IQCM: variants seen among roughly 807,000 people sequenced by gnomAD.
IQCM encodes IQ domain-containing protein M.
Under a neutral mutation model 57.6 loss-of-function variants are expected in IQCM, and 45 were observed. The observed-to-expected ratio is 0.78, with a 90% confidence interval of 0.62 to 1.00. The LOEUF (loss-of-function observed/expected upper bound fraction) is 1.00. Ranked by LOEUF, IQCM falls within the 50% of genes least tolerant of loss-of-function variation. The pLI is 0.00. For missense variants in IQCM, 468 were observed against 511.6 expected (o/e 0.91, Z 0.82); for synonymous variants, 148 against 158.9 (o/e 0.93, Z 0.51).
chr4:149,528,107 T>G (rs1228722708), intron 12 of IQCM, among the ~76,000 whole-genome samples: 2 of 151,880 alleles, frequency 1.3e-5, no homozygotes, highest in Non-Finnish European at 2.9e-5. Context: ...TGCCGCAGCC[T>G]CCTGAGTAGC....
rs369930759 is a variant in IQCM, at chr4:149,745,250, T to TAC, written c.-48-2513_-48-2512dup. On this transcript the variant is annotated intron_variant, in intron 2 of 13. Coordinates refer to ENST00000636793, the MANE Select transcript of IQCM (RefSeq NM_001363507.2). ...TGTCTGTTTGATTTTAGCAGAGGGCTACATTTTATGCTGCTGAAATGGTCA... is the reference window on the plus strand; with the variant it reads ...TGTCTGTTTGATTTTAGCAGAGGGCTACACATTTTATGCTGCTGAAATGGTCA... Among the ~76,000 whole-genome samples, 215 of 152,308 alleles carry TAC rather than the reference T, an allele frequency of 1.4e-3. 1 individual carries two copies. The highest frequency in any genetic ancestry group is 4.9e-3 in the African/African-American group (204 of 41,572).
chr4:149,398,213 C>T (rs146855655), intron 13 of IQCM, among the ~76,000 whole-genome samples: 1 of 151,988 alleles, frequency 6.6e-6, no homozygotes, highest in East Asian at 1.9e-4. Flanking sequence ...TACTTCTGGG[C>T]TCTCAGTTCT....
chr4:149,460,882 G>C (rs1369566160), intron 12 of IQCM, among the ~76,000 whole-genome samples: 2 of 152,000 alleles, frequency 1.3e-5, no homozygotes, highest in Non-Finnish European at 2.9e-5. Context: ...GATCCCATTG[G>C]TCCCCTTGGC....
chr4:149,489,909 A>G (rs914910715), intron 12 of IQCM, among the ~76,000 whole-genome samples: 4 of 151,968 alleles, frequency 2.6e-5, no homozygotes, highest in African/African-American at 9.7e-5. Context: ...TTTGAAATAC[A>G]AGCTATACAT....
intron 13 of IQCM, among the ~76,000 whole-genome samples, chr4:149,362,294 T>C (rs938268270): frequency 5.9e-5 from 9 of 152,106 alleles, no homozygotes; most frequent in African/African-American, 1.2e-4. Context: ...AGTTAAGACT[T>C]CAGAGGACTG....
chr4:149,691,529 T>C (rs1762936831), intron 5 of IQCM, among the ~76,000 whole-genome samples: 1 of 151,998 alleles, frequency 6.6e-6, no homozygotes, highest in African/African-American at 2.4e-5. Flanking sequence ...GCAAAGGTGA[T>C]GGGAGGGGCA....
intron 5 of IQCM, among the ~76,000 whole-genome samples, chr4:149,688,343 C>T (rs552670113): frequency 1.3e-5 from 2 of 152,066 alleles, no homozygotes; most frequent in East Asian, 3.9e-4. Context: ...AACTCAACCC[C>T]TTTTACAATA....
intron 12 of IQCM, among the ~76,000 whole-genome samples, chr4:149,526,842 T>C (rs1746210466): frequency 6.6e-6 from 1 of 152,194 alleles, no homozygotes; most frequent in Non-Finnish European, 1.5e-5. Flanking sequence ...TATTTTGTTG[T>C]TGTTTCCTAT....
At chr4:149,588,024 A>AT in intron 8 of IQCM, 27 bp from the exon 9 acceptor site, 2 of 1,068,018 alleles carry the variant, frequency 1.9e-6, no homozygotes, top group East Asian at 6.5e-5. Context: ...AAGAGTTGAC[A>AT]TAAGTAGAAA....
chr4:149,362,696 T>C (rs1439185250), intron 13 of IQCM, among the ~76,000 whole-genome samples: 1 of 152,184 alleles, frequency 6.6e-6, no homozygotes, highest in Non-Finnish European at 1.5e-5. Flanking sequence ...TATGTCTTTA[T>C]CAGCAGGCTA....
intron 12 of IQCM, among the ~76,000 whole-genome samples, chr4:149,478,330 G>A (rs1420069922): frequency 3.3e-5 from 5 of 152,116 alleles, no homozygotes; most frequent in Admixed American, 2.0e-4. Flanking sequence ...GCACACACTG[G>A]AGACTGTTGA....
intron 12 of IQCM, among the ~76,000 whole-genome samples, chr4:149,443,302 C>G (rs1435408181): frequency 2.6e-5 from 4 of 152,030 alleles, no homozygotes; most frequent in Non-Finnish European, 4.4e-5. Flanking sequence ...GATTGAATAA[C>G]TGGAAATCAT....
At chr4:149,743,786 A>G (rs1346547067) in intron 2 of IQCM, among the ~76,000 whole-genome samples, 26 of 152,214 alleles carry the variant, frequency 1.7e-4, no homozygotes, top group Admixed American at 1.6e-3. Flanking sequence ...ATTTGACATT[A>G]TCATTACTTC....
At chr4:149,592,370 TG>T (rs1223603771) in intron 8 of IQCM, among the ~76,000 whole-genome samples, 1 of 152,196 alleles carries the variant, frequency 6.6e-6, no homozygotes. Flanking sequence ...CTTTGTCAGA[TG>T]GGTAGATTGC....
intron 13 of IQCM, among the ~76,000 whole-genome samples, chr4:149,353,152 G>T (rs1578758176): frequency 6.6e-6 from 1 of 152,064 alleles, no homozygotes; most frequent in Admixed American, 6.6e-5. Context: ...TTCCAAAAAA[G>T]ATTTAAAAAT....
chr4:149,609,741 T>C (rs1483382845), intron 8 of IQCM, among the ~76,000 whole-genome samples: 2 of 151,756 alleles, frequency 1.3e-5, no homozygotes, highest in Non-Finnish European at 2.9e-5. Flanking sequence ...TACCTCAACA[T>C]AACAAAAGCC....
chr4:149,641,327 C>T (rs1758172303), intron 7 of IQCM, among the ~76,000 whole-genome samples: 2 of 152,250 alleles, frequency 1.3e-5, no homozygotes, highest in South Asian at 2.1e-4. Flanking sequence ...ATATTACAAT[C>T]ACCCACAAAA....
chr4:149,599,199 T>G (rs1025907310), intron 8 of IQCM, among the ~76,000 whole-genome samples: 1 of 152,096 alleles, frequency 6.6e-6, no homozygotes, highest in Non-Finnish European at 1.5e-5. Flanking sequence ...GATAAATAAA[T>G]TATAGTATAT....
intron 13 of IQCM, among the ~76,000 whole-genome samples, chr4:149,422,031 G>T (rs1349135672): frequency 1.3e-5 from 2 of 151,542 alleles, no homozygotes; most frequent in Non-Finnish European, 2.9e-5. Flanking sequence ...ACAATACAGA[G>T]GACAACTATA....
Sources: gnomAD v4.1 joint callset for allele counts (sites outside exome capture counted in the v4.1 genomes callset) on GRCh38, gnomAD v4.1.1 for gene constraint, MANE v1.5 for transcripts, NCBI Gene and HGNC (gene_info 2026-07-23, HGNC 2026-07-21) for gene names.